Variants in DLX3 observed in about 807,000 individuals in gnomAD.
DLX3 encodes distal-less homeobox 3.
A neutral mutation model predicts 28.0 loss-of-function variants in DLX3; 9 were observed. The ratio of observed to expected loss-of-function variants is 0.32; its 90% CI spans 0.19 to 0.56. The LOEUF (loss-of-function observed/expected upper bound fraction) is 0.56. DLX3 is among the 20% of genes least tolerant of loss of function. The pLI, the probability that DLX3 is intolerant of heterozygous loss-of-function variation, is 0.91. For missense variants in DLX3, 313 were observed against 378.2 expected, an observed-to-expected ratio of 0.83 and a Z score of 1.43; for synonymous variants, 154 against 167.9, an observed-to-expected ratio of 0.92 and a Z score of 0.64.
In DLX3 at chr17:49,994,768, C is replaced by T. The variant is rs200533710; in HGVS notation, c.231G>A (p.Thr77=). The part of the protein sequence containing the change: ...HQFNLNGLAG[T]GAYSPKSEYT... Reference sequence around the variant, plus strand: ...ATTCCGACTTGGGCGAGTAAGCGCCCGTGCCTGCAAGCCCATTGAGATTGA... The same window carrying T: ...ATTCCGACTTGGGCGAGTAAGCGCCTGTGCCTGCAAGCCCATTGAGATTGA... Residue 77 remains threonine, a synonymous_variant, in exon 1 of 3, where the codon ACG becomes ACA. Transcript: ENST00000434704. The T allele has an allele frequency of 1.2e-5, 20 of 1,614,206 alleles. No homozygotes were observed. The East Asian group carries it at 3.1e-4, about 25-fold the overall frequency.
rs551881925 is a variant in DLX3, at chr17:49,993,349, G to A, written c.516+51C>T. 3,761 of 1,522,564 alleles carry A rather than the reference G, an allele frequency of 2.5e-3. 13 individuals carry two copies. The highest frequency in any genetic ancestry group is 3.0e-3 in the Non-Finnish European group (3,439 of 1,137,228). The allele number at this position is 1,522,564 out of a possible 1,614,324, so 94.3% of individuals were successfully genotyped here. Reference sequence around the variant, plus strand: ...CCAGCCAGGCTCGGCAGCGCGCGGGGAACTACGGGGTCCCGCGCGCCCCCG... The same window carrying A: ...CCAGCCAGGCTCGGCAGCGCGCGGGAAACTACGGGGTCCCGCGCGCCCCCG... On this transcript the variant is annotated intron_variant, in intron 2 of 2. Coordinates refer to ENST00000434704, the MANE Select transcript of DLX3 (RefSeq NM_005220.3).
At position 49,995,192 on chromosome 17, in the gene DLX3, C is replaced by T. The variant is rs1906237061; in HGVS notation, c.-194G>A. On this transcript the variant is annotated 5_prime_UTR_variant, in exon 1 of 3. Coordinates refer to ENST00000434704, the MANE Select transcript of DLX3 (RefSeq NM_005220.3). Reference sequence around the variant, plus strand: ...CTGCCGTCAGGCGGTCGCTGCGCGCCTCTCCTCGCGTCCCAAGCCACAATC... The same window carrying T: ...CTGCCGTCAGGCGGTCGCTGCGCGCTTCTCCTCGCGTCCCAAGCCACAATC... The T allele has an allele frequency of 1.4e-6, 1 of 694,948 alleles. No individual in the cohort carries two copies. The highest frequency in any genetic ancestry group is 2.5e-6 in the Non-Finnish European group (1 of 407,362). 43.0% of individuals were successfully genotyped at this position (694,948 alleles called of 1,614,324 possible). A position where few individuals can be genotyped will look rare whatever the true frequency, so the allele number is the denominator to read the frequency against.
chr17:49,991,437 T>C lies in DLX3; in HGVS notation c.*80A>G, dbSNP rs1248122265. The C allele has an allele frequency of 1.6e-6, 2 of 1,260,328 alleles. No individual in the cohort carries two copies. Among genetic ancestry groups the C allele is most frequent in the South Asian group, 2.9e-5 (2 of 70,062 alleles). The allele number at this position is 1,260,328 out of a possible 1,614,324, so 78.1% of individuals were successfully genotyped here. ...AGTTCCTTTTCCCTGTGCTCCTCGA[T>C]GATTCCTGAGTGGCTAGGACGGAGG... On this transcript the variant is annotated 3_prime_UTR_variant, in exon 3 of 3. Coordinates refer to ENST00000434704, the MANE Select transcript of DLX3 (RefSeq NM_005220.3).
Position 49,991,777 on chromosome 17 carries a change from T to C in DLX3, c.604A>G (p.Ser202Gly). Residue 202 changes from serine to glycine, a missense_variant, in exon 3 of 3, where the codon AGT becomes GGT. By Grantham distance (56) the Ser-to-Gly change is moderately conservative. This residue lies in a region of DLX3 where 120 missense variants were observed against 145.4 expected (regional missense o/e 0.83). Transcript: ENST00000434704. ...EVPLEHSPNN[S>G]DSMACNSPPS... ...GGTGAGTTGCAGGCCATGGAATCAC[T>C]GTTATTGGGACTGTGCTCCAGCGGC... 1.2e-6 allele frequency: 2 copies of C among 1,614,012 alleles called. No homozygotes were observed. Among genetic ancestry groups the C allele is most frequent in the Non-Finnish European group, 1.7e-6 (2 of 1,179,980 alleles).
At position 49,991,798 on chromosome 17, in the gene DLX3, G is replaced by A. The variant is rs1442592356; in HGVS notation, c.583C>T (p.Leu195=). 1 of 1,614,142 alleles carries A rather than the reference G, an allele frequency of 6.2e-7. No homozygotes were observed. Among genetic ancestry groups the A allele is most frequent in the East Asian group, 2.2e-5 (1 of 44,886 alleles). ...KKLYKNGEVP[L]EHSPNNSDSM... ...TCACTGTTATTGGGACTGTGCTCCA[G>A]CGGCACCTCCCCGTTCTTGTAGAGT... Residue 195 remains leucine (L), a synonymous_variant, in exon 3 of 3, where the codon CTG becomes TTG. Transcript: ENST00000434704.
In DLX3 at chr17:49,995,175, A is replaced by T; in HGVS notation, c.-177T>A. 1 of 772,410 alleles carries T rather than the reference A, an allele frequency of 1.3e-6. No homozygotes were observed. The highest frequency in any genetic ancestry group is 2.1e-6 in the Non-Finnish European group (1 of 473,756). The allele number at this position is 772,410 out of a possible 1,614,324, so 47.8% of individuals were successfully genotyped here. On this transcript the variant is annotated 5_prime_UTR_variant, in exon 1 of 3. Coordinates refer to ENST00000434704, the MANE Select transcript of DLX3 (RefSeq NM_005220.3). ...GGCGCTTACACCATTGCCTGCCGTCAGGCGGTCGCTGCGCGCCTCTCCTCG... is the reference window on the plus strand; with the variant it reads ...GGCGCTTACACCATTGCCTGCCGTCTGGCGGTCGCTGCGCGCCTCTCCTCG...
chr17:49,992,034 T>C (rs1906110233), intron 2 of DLX3, among the ~76,000 whole-genome samples, 170 bp from the exon 3 acceptor site: 1 of 152,114 alleles, frequency 6.6e-6, no homozygotes. Context: ...GAATTGTGGC[T>C]AGGAACGTTC....
rs1346250778 is a variant in DLX3, at chr17:49,994,769, G to C, written c.230C>G (p.Thr77Arg). 6.2e-7 allele frequency: 1 copy of C among 1,614,230 alleles called. No individual in the cohort carries two copies. Among genetic ancestry groups the C allele is most frequent in the Non-Finnish European group, 8.5e-7 (1 of 1,180,052 alleles). ...HQFNLNGLAG[T>R]GAYSPKSEYT... The stretch of plus-strand genomic sequence containing the variant: ...TTCCGACTTGGGCGAGTAAGCGCCC[G>C]TGCCTGCAAGCCCATTGAGATTGAA... The change falls in exon 1 of 3, where the codon ACG (threonine) becomes AGG (arginine). Residue 77 changes from threonine to arginine, a missense_variant. This residue lies in a region of DLX3 where 183 missense variants were observed against 197.7 expected (regional missense o/e 0.93). Coordinates refer to ENST00000434704, the MANE Select transcript of DLX3 (RefSeq NM_005220.3).
chr17:49,990,348 C>CT lies in DLX3; in HGVS notation c.*1168dup, dbSNP rs61087392. 5,361 of 139,552 alleles carry CT rather than the reference C, an allele frequency of 0.038. 171 individuals are homozygous for CT. The highest frequency in any genetic ancestry group is 0.12 in the East Asian group (562 of 4,848). 8.6% of individuals were successfully genotyped at this position (139,552 alleles called of 1,614,324 possible). ...ATATAGCTACAGTCTTCTACCTCTCCTTTTTTTTTTTTTTCAATGTTTTAC... is the reference window on the plus strand; with the variant it reads ...ATATAGCTACAGTCTTCTACCTCTCCTTTTTTTTTTTTTTTCAATGTTTTAC... On this transcript the variant is annotated 3_prime_UTR_variant, in exon 3 of 3. Coordinates refer to ENST00000434704, the MANE Select transcript of DLX3 (RefSeq NM_005220.3).
rs777426939 is a variant in DLX3 at position 49,993,385 on chromosome 17, C to G, written c.516+15G>C. Reference sequence around the variant, plus strand: ...TCCCGCGCGCCCCCGCGGCCCTGGACAGCCAAACACCAACCTGTGTCTGCG... The same window carrying G: ...TCCCGCGCGCCCCCGCGGCCCTGGAGAGCCAAACACCAACCTGTGTCTGCG... On this transcript the variant is annotated intron_variant, in intron 2 of 2. Transcript: ENST00000434704. 3.8e-6 allele frequency: 6 copies of G among 1,592,912 alleles called. No individual in the cohort carries two copies. The Admixed American group carries it at 6.8e-5, about 18-fold the overall frequency.
chr17:49,992,170 C>A (rs747419336), intron 2 of DLX3, among the ~76,000 whole-genome samples: 1 of 152,128 alleles, frequency 6.6e-6, no homozygotes, highest in Non-Finnish European at 1.5e-5. Flanking sequence ...CTATTACCTG[C>A]CTCATAGGGT....
chr17:49,993,545 C>G lies in DLX3; in HGVS notation c.371G>C (p.Gly124Ala), dbSNP rs1048822264. Residue 124 changes from glycine (G) to alanine (A), a missense_variant, in exon 2 of 3, where the codon GGG becomes GCG. Around this residue, in one of 3 missense-constraint regions of DLX3, gnomAD observed 183 missense variants for 197.7 expected, o/e 0.93. Coordinates refer to ENST00000434704, the MANE Select transcript of DLX3 (RefSeq NM_005220.3). ...EPEAEVRMVN[G>A]KPKKVRKPRT... ...CGGCTTTCGGACCTTCTTGGGCTTC[C>G]CATTCACCATGCGCACCTCTGCTTC... is the stretch of plus-strand genomic sequence containing the variant. The G allele has an allele frequency of 1.2e-6, 2 of 1,613,734 alleles. No individual in the cohort carries two copies. The highest frequency in any genetic ancestry group is 1.7e-6 in the Non-Finnish European group (2 of 1,179,734).
chr17:49,991,280 G>A lies in DLX3; in HGVS notation c.*237C>T, dbSNP rs764829395. ...ATGGCTGTCCCCACTGGGGTGGAAT[G>A]TCCCCACATCTGGAGGGGTACCCCA... On this transcript the variant is annotated 3_prime_UTR_variant, in exon 3 of 3. Coordinates refer to ENST00000434704, the MANE Select transcript of DLX3 (RefSeq NM_005220.3). 3.8e-6 allele frequency: 2 copies of A among 522,888 alleles called. No homozygotes were observed. Among genetic ancestry groups the A allele is most frequent in the Non-Finnish European group, 6.7e-6 (2 of 299,042 alleles). 32.4% of individuals were successfully genotyped at this position (522,888 alleles called of 1,614,324 possible). A position where few individuals can be genotyped will look rare whatever the true frequency, so the allele number is the denominator to read the frequency against.
At position 49,991,445 on chromosome 17, in the gene DLX3, G is replaced by A; in HGVS notation, c.*72C>T. On this transcript the variant is annotated 3_prime_UTR_variant, in exon 3 of 3. Transcript: ENST00000434704. ...TTCCCTGTGCTCCTCGATGATTCCT[G>A]AGTGGCTAGGACGGAGGCGCCTTCT... The A allele has an allele frequency of 7.6e-7, 1 of 1,308,780 alleles. No homozygotes were observed. The highest frequency in any genetic ancestry group is 1.0e-6 in the Non-Finnish European group (1 of 958,952). 81.1% of individuals were successfully genotyped at this position (1,308,780 alleles called of 1,614,324 possible).
chr17:49,991,301 C>A lies in DLX3; in HGVS notation c.*216G>T, dbSNP rs2144181607. The A allele has an allele frequency of 3.6e-6, 2 of 561,020 alleles. No individual in the cohort carries two copies. The highest frequency in any genetic ancestry group is 1.9e-5 in the African/African-American group (1 of 53,112). 34.8% of individuals were successfully genotyped at this position (561,020 alleles called of 1,614,324 possible). On this transcript the variant is annotated 3_prime_UTR_variant, in exon 3 of 3. Coordinates refer to ENST00000434704, the MANE Select transcript of DLX3 (RefSeq NM_005220.3). ...GAATGTCCCCACATCTGGAGGGGTA[C>A]CCCAGTGTCTAGGCAGAGGGAGGGA...
intron 1 of DLX3, among the ~76,000 whole-genome samples, chr17:49,994,410 C>CCA (rs1170218584): frequency 6.6e-6 from 1 of 152,186 alleles, no homozygotes; most frequent in African/African-American, 2.4e-5. Context: ...TCCTAACAAC[C>CCA]CACAGCCTTC....
At chr17:49,994,641 C>A in intron 1 of DLX3, 33 bp downstream of exon 1, 1 of 1,612,450 alleles carries the variant, frequency 6.2e-7, no homozygotes, top group Non-Finnish European at 8.5e-7. Context: ...CTTCCAGTGT[C>A]TCCCACTGTC....
In DLX3 at chr17:49,993,411, T is replaced by C; in HGVS notation, c.505A>G (p.Thr169Ala). ...RAELAAQLGL[T>A]QTQVKIWFQN... ...AGCCAAACACCAACCTGTGTCTGCGTGAGGCCCAGCTGCGCGGCCAGCTCG... is the reference window on the plus strand; with the variant it reads ...AGCCAAACACCAACCTGTGTCTGCGCGAGGCCCAGCTGCGCGGCCAGCTCG... Residue 169 changes from threonine (T) to alanine (A), a missense_variant, in exon 2 of 3, where the codon ACG becomes GCG. Physicochemically the swap from Thr to Ala is moderately conservative, Grantham distance 58. Transcript: ENST00000434704. 1 of 1,604,544 alleles carries C rather than the reference T, an allele frequency of 6.2e-7. No homozygotes were observed. The highest frequency in any genetic ancestry group is 8.5e-7 in the Non-Finnish European group (1 of 1,178,478).
chr17:49,994,909 A>G lies in DLX3; in HGVS notation c.90T>C (p.Pro30=), dbSNP rs145424773. The G allele has an allele frequency of 2.5e-4, 405 of 1,614,154 alleles. 1 individual carries two copies. The Middle Eastern group carries it at 0.011, about 45-fold the overall frequency. The part of the protein sequence containing the change: ...LSCHAGSKDS[P]TLPESSVTDL... ...CAGTGACAGAAGACTCGGGCAGGGT[A>G]GGCGAGTCCTTGGAGCCCGCATGGC... Residue 30 remains proline (P), a synonymous_variant, in exon 1 of 3, where the codon CCT becomes CCC. Transcript: ENST00000434704.
Sources: gnomAD v4.1 joint callset for allele counts (sites outside exome capture counted in the v4.1 genomes callset) on GRCh38, gnomAD v4.1.1 for gene constraint, gnomAD v4.1.1 regional missense constraint, MANE v1.5 for transcripts, NCBI Gene and HGNC (gene_info 2026-07-23, HGNC 2026-07-21) for gene names.